CAST: variants seen among roughly 807,000 people sequenced by gnomAD.
The protein encoded by CAST is calpastatin.
A neutral mutation model predicts 119.6 loss-of-function variants in CAST; 76 were observed. The ratio of observed to expected loss-of-function variants is 0.64; its 90% confidence interval spans 0.53 to 0.77. The LOEUF (loss-of-function observed/expected upper bound fraction) is 0.77, where lower values mean the gene tolerates loss of function less well. CAST is among the 30% of genes least tolerant of loss of function. CAST has a pLI of 0.00. For synonymous variants in CAST, 319 were observed against 331.6 expected (o/e 0.96, Z 0.41); for missense variants, 953 against 946.5 (o/e 1.01, Z -0.09).
chr5:96,705,779 C>T, intron 3 of CAST, among the ~76,000 whole-genome samples: 1 of 152,056 alleles, frequency 6.6e-6, no homozygotes, highest in East Asian at 1.9e-4. Context: ...CATACGGAGC[C>T]CTTATGTGCT....
At chr5:96,143,872 T>A in the CAST span, among the ~76,000 whole-genome samples, 1 of 152,226 alleles carries the variant, frequency 6.6e-6, no homozygotes, top group South Asian at 2.1e-4. Flanking sequence ...CTTATTGAAA[T>A]GTTATTTTTA....
the CAST span, among the ~76,000 whole-genome samples, chr5:96,401,053 A>C: frequency 7.3e-6 from 1 of 137,460 alleles, no homozygotes; most frequent in Non-Finnish European, 1.5e-5. Flanking sequence ...TGCCACTGCA[A>C]TCCGGCCTGG....
At chr5:96,715,689 A>G (rs1343096826) in intron 3 of CAST, among the ~76,000 whole-genome samples, 1 of 152,230 alleles carries the variant, frequency 6.6e-6, no homozygotes, top group Non-Finnish European at 1.5e-5. Context: ...TAAGCATCCA[A>G]TAAATAGTCC....
chr5:96,526,813 C>A (rs1005206187), upstream of CAST, among the ~76,000 whole-genome samples: 3 of 152,182 alleles, frequency 2.0e-5, no homozygotes, highest in African/African-American at 7.2e-5. Context: ...GTTGAGGACA[C>A]ACCCAGGAAA....
intron 2 of CAST, among the ~76,000 whole-genome samples, chr5:96,682,984 C>A (rs1339801102): frequency 6.6e-6 from 1 of 152,084 alleles, no homozygotes; most frequent in Non-Finnish European, 1.5e-5. Flanking sequence ...CCTCCCACAC[C>A]CTGCCCACTC....
chr5:96,458,204 G>C, the CAST span, among the ~76,000 whole-genome samples: 1 of 152,136 alleles, frequency 6.6e-6, no homozygotes, highest in South Asian at 2.1e-4. Context: ...GACAGAAAAA[G>C]TTAGAAAATT....
chr5:96,265,017 T>A, the CAST span, among the ~76,000 whole-genome samples: 1 of 152,242 alleles, frequency 6.6e-6, no homozygotes, highest in African/African-American at 2.4e-5. Context: ...AATGTATGTA[T>A]GCATTTCTGT....
chr5:96,629,684 A>G (rs1747789500), intron 1 of CAST, among the ~76,000 whole-genome samples: 1 of 152,154 alleles, frequency 6.6e-6, no homozygotes, highest in South Asian at 2.1e-4. Flanking sequence ...TTCCAATCTC[A>G]TTCTTTAACC....
chr5:96,400,244 G>T, the CAST span: 1 of 1,195,928 alleles, frequency 8.4e-7, no homozygotes, highest in Non-Finnish European at 1.3e-6. Flanking sequence ...CCTTGCAAAA[G>T]CAAGTGCTAA....
intron 3 of CAST, among the ~76,000 whole-genome samples, chr5:96,699,927 A>C (rs1311083078): frequency 1.3e-5 from 2 of 152,230 alleles, no homozygotes; most frequent in African/African-American, 4.8e-5. Context: ...AAGCGCAAAC[A>C]ACTTTCCTCC....
chr5:96,728,870 G>C (rs879043798), intron 6 of CAST: 1 of 320,884 alleles, frequency 3.1e-6, no homozygotes, highest in Admixed American at 4.7e-5. Context: ...AAAACAACCA[G>C]TAATTTAGAG....
At chr5:96,613,047 C>T (rs904069894) in intron 1 of CAST, among the ~76,000 whole-genome samples, 9 of 152,168 alleles carry the variant, frequency 5.9e-5, no homozygotes, top group Admixed American at 1.3e-4. Flanking sequence ...CTATTCTGTT[C>T]CACTGGCAAG....
the CAST span, among the ~76,000 whole-genome samples, chr5:96,197,374 A>G: frequency 1.3e-5 from 2 of 152,168 alleles, no homozygotes; most frequent in African/African-American, 4.8e-5. Context: ...GTCAGTTTTC[A>G]TGCTGCTTTT....
At chr5:95,966,537 A>G in the CAST span, among the ~76,000 whole-genome samples, 1 of 152,172 alleles carries the variant, frequency 6.6e-6, no homozygotes, top group Non-Finnish European at 1.5e-5. Context: ...CTTAGTCTCC[A>G]AAGTTCCTTT....
chr5:96,319,260 C>T, the CAST span, among the ~76,000 whole-genome samples: 5 of 152,290 alleles, frequency 3.3e-5, no homozygotes, highest in South Asian at 6.2e-4. Flanking sequence ...AATCTGCCTC[C>T]GTGACCAAAA....
At chr5:96,434,487 T>G in the CAST span, among the ~76,000 whole-genome samples, 2 of 151,222 alleles carry the variant, frequency 1.3e-5, no homozygotes, top group East Asian at 1.9e-4. Context: ...CAGGGGGGAG[T>G]GTGGTTAGGT....
the CAST span, among the ~76,000 whole-genome samples, chr5:96,384,328 C>G: frequency 1.4e-3 from 207 of 152,308 alleles, 1 homozygote; most frequent in African/African-American, 4.9e-3. Context: ...CATCTGTACT[C>G]TAGTGACAAG....
chr5:96,514,706 T>C, the CAST span, among the ~76,000 whole-genome samples: 2 of 152,110 alleles, frequency 1.3e-5, no homozygotes, highest in African/African-American at 4.8e-5. Context: ...AGCCACTCTA[T>C]TGTGTTTGTG....
At chr5:96,015,082 C>G in the CAST span, among the ~76,000 whole-genome samples, 4 of 152,142 alleles carry the variant, frequency 2.6e-5, no homozygotes, top group East Asian at 3.9e-4. Flanking sequence ...TAAGTAACTT[C>G]TCTCAGTTCA....
Sources: allele counts gnomAD v4.1 joint callset (sites outside exome capture counted in the v4.1 genomes callset), GRCh38; gene constraint gnomAD v4.1.1; transcripts MANE v1.5; gene names NCBI Gene and HGNC (gene_info 2026-07-23, HGNC 2026-07-21).